Variants in RXFP1 observed in about 807,000 individuals in gnomAD.
RXFP1 encodes the protein relaxin family peptide receptor 1.
RXFP1 carries 73 observed loss-of-function variants against 89.8 expected under a neutral mutation model. The ratio of observed to expected loss-of-function variants is 0.81; its 90% CI spans 0.67 to 0.99. The LOEUF (loss-of-function observed/expected upper bound fraction) is 0.99, where lower values mean the gene tolerates loss of function less well. Ranked by LOEUF, RXFP1 falls within the 50% of genes least tolerant of loss-of-function variation. The pLI, the probability that RXFP1 is intolerant of heterozygous loss-of-function variation, is 0.00. For synonymous variants in RXFP1, 277 were observed against 305.5 expected, an observed-to-expected ratio of 0.91 and a Z score of 0.97; for missense variants, 793 against 895.5, an observed-to-expected ratio of 0.89 and a Z score of 1.46.
intron 8 of RXFP1, among the ~76,000 whole-genome samples, chr4:158,613,666 G>T (rs1273724415): frequency 6.6e-6 from 1 of 152,168 alleles, no homozygotes; most frequent in African/African-American, 2.4e-5. Context: ...TTCTTCTACA[G>T]TTACTTCTTC....
chr4:158,603,743 A>G (rs1338875462), intron 4 of RXFP1, among the ~76,000 whole-genome samples: 1 of 151,848 alleles, frequency 6.6e-6, no homozygotes, highest in Non-Finnish European at 1.5e-5. Flanking sequence ...TTTAAAAATT[A>G]GCCAAGCGTG....
intron 9 of RXFP1, among the ~76,000 whole-genome samples, chr4:158,624,629 G>T (rs1766340984): frequency 1.3e-5 from 2 of 152,156 alleles, no homozygotes; most frequent in African/African-American, 4.8e-5. Context: ...AAAGCTTGCA[G>T]CTAGGGAGCA....
intron 2 of RXFP1, among the ~76,000 whole-genome samples, chr4:158,574,417 A>G (rs148310607): frequency 1.3e-3 from 191 of 152,354 alleles, no homozygotes; most frequent in Admixed American, 3.4e-3. Flanking sequence ...AGGTCACACA[A>G]GCAGACCTTA....
At chr4:158,620,061 A>C (rs144425581) in intron 9 of RXFP1, among the ~76,000 whole-genome samples, 124 of 152,362 alleles carry the variant, frequency 8.1e-4, no homozygotes, top group Middle Eastern at 3.4e-3. Context: ...CCAAACAGAG[A>C]CATTAAAATG....
chr4:158,636,102 C>T (rs527787418), intron 12 of RXFP1, among the ~76,000 whole-genome samples: 41 of 152,036 alleles, frequency 2.7e-4, no homozygotes, highest in African/African-American at 9.6e-4. Flanking sequence ...TTAAATTTAC[C>T]TTTCAGTTCT....
rs776423555 is a variant in RXFP1 at position 158,648,565 on chromosome 4, A to G, written c.1823A>G (p.Gln608Arg). ...GGAAGCATGTTTTATAGTGTTCATC[A>G]AAGTGCCATAACAGCAACTGAAATA... is the stretch of plus-strand genomic sequence containing the variant. ...SYGSMFYSVH[Q>R]SAITATEIRN... is the part of the protein sequence containing the mutation. Residue 608 changes from glutamine to arginine, a missense_variant, in exon 17 of 18, where the codon CAA (glutamine) becomes CGA (arginine). Coordinates refer to ENST00000307765, the MANE Select transcript of RXFP1 (RefSeq NM_021634.4). 5.6e-6 allele frequency: 9 copies of G among 1,613,330 alleles called. No homozygotes were observed. The South Asian group carries it at 9.9e-5, about 18-fold the overall frequency.
intron 2 of RXFP1, among the ~76,000 whole-genome samples, chr4:158,576,771 TC>T (rs1561050291): frequency 6.6e-6 from 1 of 152,132 alleles, no homozygotes; most frequent in Non-Finnish European, 1.5e-5. Flanking sequence ...AAAAATTAAT[TC>T]CGTTCAAAAC....
At chr4:158,588,854 C>T (rs576528616) in intron 2 of RXFP1, among the ~76,000 whole-genome samples, 4 of 152,288 alleles carry the variant, frequency 2.6e-5, no homozygotes, top group African/African-American at 7.2e-5. Flanking sequence ...AATTGCTTTT[C>T]GCCTAGGCCA....
At chr4:158,576,797 G>C (rs976007466) in intron 2 of RXFP1, among the ~76,000 whole-genome samples, 1 of 152,142 alleles carries the variant, frequency 6.6e-6, no homozygotes, top group Non-Finnish European at 1.5e-5. Context: ...AAGATGCCCA[G>C]TTGGCATGCT....
intron 4 of RXFP1, among the ~76,000 whole-genome samples, chr4:158,603,421 G>C (rs972762350): frequency 6.6e-6 from 1 of 152,142 alleles, no homozygotes; most frequent in Non-Finnish European, 1.5e-5. Context: ...TTTCAAAAGG[G>C]AATTACTTGT....
intron 1 of RXFP1, among the ~76,000 whole-genome samples, chr4:158,562,523 CAAAAAAAAAA>C (rs55944906): frequency 5.5e-4 from 14 of 25,348 alleles, no homozygotes; most frequent in East Asian, 1.4e-3. Flanking sequence ...GACTCCGTCT[CAAAAAAAAAA>C]AAAAAAAAAA....
chr4:158,650,217 A>C (rs576321671), intron 17 of RXFP1, among the ~76,000 whole-genome samples: 11 of 152,118 alleles, frequency 7.2e-5, no homozygotes, highest in Non-Finnish European at 1.6e-4. Flanking sequence ...GGTGTTTTCT[A>C]GGGGTTGGGG....
intron 1 of RXFP1, among the ~76,000 whole-genome samples, chr4:158,554,600 T>C (rs557435359): frequency 6.6e-6 from 1 of 152,330 alleles, no homozygotes; most frequent in African/African-American, 2.4e-5. Flanking sequence ...GGTTTTCAAA[T>C]TGTGTTTGTG....
chr4:158,617,271 G>T, intron 9 of RXFP1, 66 bp downstream of exon 9: 5 of 1,160,592 alleles, frequency 4.3e-6, no homozygotes, highest in Non-Finnish European at 6.3e-6. Flanking sequence ...ATTCATTCCA[G>T]ATATAAGATT....
In RXFP1 at chr4:158,599,376, T is replaced by G. The variant is rs938431588; in HGVS notation, c.337T>G (p.Cys113Gly). ...TCTTTGCCAAGGTCTGGAGCTTGAC[T>G]GTGATGAAACCAATTTACGAGCTGT... ...QCLCQGLELD[C>G]DETNLRAVPS... The change falls in exon 4 of 18, where the codon TGT becomes GGT. Residue 113 changes from cysteine to glycine, a missense_variant. Transcript: ENST00000307765. 3 of 1,613,824 alleles carry G rather than the reference T, an allele frequency of 1.9e-6. No individual in the cohort carries two copies. Among genetic ancestry groups the G allele is most frequent in the African/African-American group, 2.7e-5 (2 of 74,922 alleles).
chr4:158,532,338 C>T (rs1033323673), intron 1 of RXFP1, among the ~76,000 whole-genome samples: 6 of 152,058 alleles, frequency 3.9e-5, no homozygotes, highest in African/African-American at 1.4e-4. Flanking sequence ...CATTGGTGGG[C>T]ATCTAGATGG....
intron 1 of RXFP1, among the ~76,000 whole-genome samples, chr4:158,536,771 G>A (rs781758517): frequency 2.6e-5 from 4 of 152,050 alleles, no homozygotes; most frequent in Non-Finnish European, 4.4e-5. Context: ...ACTGAACAAA[G>A]TCATATTCTT....
At chr4:158,609,635 G>A (rs1378281502) in intron 6 of RXFP1, among the ~76,000 whole-genome samples, 2 of 152,140 alleles carry the variant, frequency 1.3e-5, no homozygotes, top group Admixed American at 6.5e-5. Context: ...GAGTCGAGAA[G>A]AGCACCTAGT....
At chr4:158,530,846 T>C (rs749461793) in intron 1 of RXFP1, among the ~76,000 whole-genome samples, 2 of 152,226 alleles carry the variant, frequency 1.3e-5, no homozygotes, top group Non-Finnish European at 2.9e-5. Flanking sequence ...AGCATTCGTC[T>C]TCAGTGGTGA....
Sources: allele counts gnomAD v4.1 joint callset (sites outside exome capture counted in the v4.1 genomes callset), GRCh38; gene constraint gnomAD v4.1.1; transcripts MANE v1.5; gene names NCBI Gene and HGNC (gene_info 2026-07-23, HGNC 2026-07-21).